EYS: variants seen among roughly 807,000 people sequenced by gnomAD.
EYS encodes protein eyes shut homolog.
EYS carries 250 observed loss-of-function variants against 282.1 expected under a neutral mutation model. That is an observed-to-expected ratio of 0.89 (90% CI 0.80 to 0.98). EYS has a LOEUF of 0.98. Among genes scored for constraint, EYS ranks in the 50% least tolerant of loss-of-function variants. The pLI is 0.00. For missense variants in EYS, 4,016 were observed against 3,709.0 expected, an observed-to-expected ratio of 1.08 and a Z score of -2.15; for synonymous variants, 1,355 against 1,282.9, an observed-to-expected ratio of 1.06 and a Z score of -1.20.
chr6:64,476,028 C>T (rs1156409889), intron 26 of EYS, among the ~76,000 whole-genome samples: 1 of 152,122 alleles, frequency 6.6e-6, no homozygotes, highest in Non-Finnish European at 1.5e-5. Flanking sequence ...TGGCCTCGAG[C>T]GATCTTCCTC....
At chr6:65,079,856 C>T (rs1774176699) in intron 12 of EYS, among the ~76,000 whole-genome samples, 1 of 152,026 alleles carries the variant, frequency 6.6e-6, no homozygotes, top group Admixed American at 6.6e-5. Context: ...ATGATGTAAC[C>T]TCCCTTATTG....
At chr6:63,933,143 C>T (rs1654883264) in intron 35 of EYS, among the ~76,000 whole-genome samples, 1 of 152,242 alleles carries the variant, frequency 6.6e-6, no homozygotes, top group African/African-American at 2.4e-5. Flanking sequence ...GCATGCCAAT[C>T]TCCAGGCACC....
intron 12 of EYS, among the ~76,000 whole-genome samples, chr6:65,107,978 G>T (rs960572346): frequency 6.6e-6 from 1 of 151,928 alleles, no homozygotes; most frequent in Non-Finnish European, 1.5e-5. Flanking sequence ...TATAAATCCT[G>T]TAAGATGATG....
At chr6:65,481,807 T>G (rs1418320610) in intron 5 of EYS, among the ~76,000 whole-genome samples, 1 of 152,120 alleles carries the variant, frequency 6.6e-6, no homozygotes, top group Admixed American at 6.6e-5. Context: ...CCTTACCTCA[T>G]GATCCATCCG....
chr6:64,422,734 G>A (rs1774275521), intron 28 of EYS, among the ~76,000 whole-genome samples: 1 of 152,064 alleles, frequency 6.6e-6, no homozygotes, highest in Admixed American at 6.6e-5. Flanking sequence ...TGGAGTGAGA[G>A]GTTAATTATT....
chr6:64,456,554 T>C (rs954390775), intron 26 of EYS, among the ~76,000 whole-genome samples: 4 of 152,106 alleles, frequency 2.6e-5, no homozygotes, highest in Non-Finnish European at 5.9e-5. Context: ...TGTTATGTTA[T>C]ACTATATAAG....
chr6:64,718,910 A>T (rs1264931954), intron 22 of EYS, among the ~76,000 whole-genome samples: 1 of 152,222 alleles, frequency 6.6e-6, no homozygotes, highest in Non-Finnish European at 1.5e-5. Flanking sequence ...GGAAAAGTGG[A>T]CTTTGCCAAT....
At chr6:65,598,639 G>A (rs1765498998) in intron 2 of EYS, among the ~76,000 whole-genome samples, 1 of 151,988 alleles carries the variant, frequency 6.6e-6, no homozygotes, top group South Asian at 2.1e-4. Context: ...CTGTTTCTCA[G>A]AGCTCCTTTG....
chr6:64,938,183 T>C (rs1223364636), intron 15 of EYS, among the ~76,000 whole-genome samples: 1 of 151,660 alleles, frequency 6.6e-6, no homozygotes, highest in East Asian at 1.9e-4. Context: ...AATAAAAGTA[T>C]TCTAACATTA....
intron 8 of EYS, among the ~76,000 whole-genome samples, chr6:65,382,615 C>T (rs1308384199): frequency 1.3e-5 from 2 of 151,830 alleles, no homozygotes; most frequent in East Asian, 1.9e-4. Context: ...TTAACTCATA[C>T]TATCACAGGG....
intron 8 of EYS, among the ~76,000 whole-genome samples, chr6:65,381,019 G>A (rs978116515): frequency 1.3e-5 from 2 of 152,120 alleles, no homozygotes; most frequent in African/African-American, 2.4e-5. Flanking sequence ...CTTTTGGTGG[G>A]AGTGTAAATT....
chr6:65,056,489 G>A (rs781046721), intron 13 of EYS, among the ~76,000 whole-genome samples: 1 of 151,880 alleles, frequency 6.6e-6, no homozygotes, highest in Non-Finnish European at 1.5e-5. Context: ...CTACTCAGGG[G>A]ACTAAGGGGA....
At chr6:65,020,226 C>A (rs1238280276) in intron 13 of EYS, among the ~76,000 whole-genome samples, 1 of 152,132 alleles carries the variant, frequency 6.6e-6, no homozygotes, top group Non-Finnish European at 1.5e-5. Context: ...AAAGTCCAAT[C>A]CAAAGTCTCA....
intron 30 of EYS, among the ~76,000 whole-genome samples, chr6:64,233,599 G>C (rs1766495606): frequency 6.6e-6 from 1 of 152,134 alleles, no homozygotes; most frequent in Non-Finnish European, 1.5e-5. Context: ...AATCATAAAT[G>C]TATGAGAGTT....
In EYS at chr6:64,503,839, C is replaced by A. The variant is rs1777128583; in HGVS notation, c.5645-64487G>T. On this transcript the variant is annotated intron_variant, in intron 26 of 42. Transcript: ENST00000503581. ...AGGGGCCTGGTGGGAGGTAATTGGA[C>A]CCTGGGGGAGGATTTCTCCCTTGCT... Among the ~76,000 whole-genome samples, 4 of 152,190 alleles carry A rather than the reference C, an allele frequency of 2.6e-5. No individual in the cohort carries two copies. The South Asian group carries it at 8.3e-4, about 32-fold the overall frequency.
chr6:63,909,019 G>T (rs561392454), intron 35 of EYS, among the ~76,000 whole-genome samples: 1 of 152,100 alleles, frequency 6.6e-6, no homozygotes, highest in South Asian at 2.1e-4. Flanking sequence ...TGGATTATTG[G>T]CTGTGCTTAT....
intron 35 of EYS, among the ~76,000 whole-genome samples, chr6:63,967,581 C>T (rs948685585): frequency 3.9e-5 from 6 of 152,068 alleles, no homozygotes; most frequent in Non-Finnish European, 2.9e-5. Context: ...ACACAAGTGA[C>T]GATAAGCAAG....
At chr6:65,499,572 G>A (rs1220714435) in intron 2 of EYS, among the ~76,000 whole-genome samples, 1 of 151,856 alleles carries the variant, frequency 6.6e-6, no homozygotes, top group African/African-American at 2.4e-5. Flanking sequence ...TATACAAAGA[G>A]GAAAATTAGA....
chr6:65,378,037 T>C (rs1562134877), intron 8 of EYS, among the ~76,000 whole-genome samples: 2 of 151,992 alleles, frequency 1.3e-5, no homozygotes, highest in African/African-American at 4.8e-5. Context: ...ACAAATGCGA[T>C]CTAATTAAAC....
Sources: gnomAD v4.1 joint callset for allele counts (sites outside exome capture counted in the v4.1 genomes callset) on GRCh38, gnomAD v4.1.1 for gene constraint, MANE v1.5 for transcripts, NCBI Gene and HGNC (gene_info 2026-07-23, HGNC 2026-07-21) for gene names.